TTLL9: variants seen among roughly 807,000 people sequenced by gnomAD.
TTLL9 encodes the protein probable tubulin polyglutamylase TTLL9.
TTLL9 carries 47 observed loss-of-function variants against 65.6 expected under a neutral mutation model. That is an observed-to-expected ratio of 0.72 (90% CI 0.57 to 0.91). TTLL9 has a LOEUF of 0.91. TTLL9 is among the 40% of genes least tolerant of loss of function. TTLL9 has a pLI of 0.00. For synonymous variants in TTLL9, 179 were observed against 204.8 expected, an observed-to-expected ratio of 0.87 and a Z score of 1.07; for missense variants, 537 against 568.8, an observed-to-expected ratio of 0.94 and a Z score of 0.57.
intron 6 of TTLL9, among the ~76,000 whole-genome samples, chr20:31,911,174 CAA>C (rs568691106): frequency 7.1e-6 from 1 of 141,334 alleles, no homozygotes; most frequent in Non-Finnish European, 1.5e-5. Flanking sequence ...GACTCCGTCT[CAA>C]AAAAAAAAGA....
At chr20:31,913,361 C>T (rs2063685523) in intron 6 of TTLL9, among the ~76,000 whole-genome samples, 1 of 152,056 alleles carries the variant, frequency 6.6e-6, no homozygotes, top group African/African-American at 2.4e-5. Context: ...GTTCCGGGAC[C>T]TTATTTGGAT....
At chr20:31,933,091 T>TA (rs2064048493) in intron 10 of TTLL9, among the ~76,000 whole-genome samples, 1 of 152,184 alleles carries the variant, frequency 6.6e-6, no homozygotes. Context: ...GGTGGTCACT[T>TA]AACTTCTCTG....
chr20:31,937,099 CAA>C (rs59705348), intron 12 of TTLL9, among the ~76,000 whole-genome samples: 27 of 93,454 alleles, frequency 2.9e-4, no homozygotes, highest in Non-Finnish European at 2.2e-4. Context: ...ACTCCCTCTC[CAA>C]AAAAAAAAAA....
At chr20:31,885,182 C>T (rs1049213548) in intron 2 of TTLL9, among the ~76,000 whole-genome samples, 4 of 151,702 alleles carry the variant, frequency 2.6e-5, no homozygotes, top group African/African-American at 4.8e-5. Flanking sequence ...CATGTTTTTT[C>T]GTAGAAATTG....
chr20:31,909,747 A>G lies in TTLL9; in HGVS notation c.329A>G (p.Lys110Arg), dbSNP rs777734852. Residue 110 changes from lysine to arginine, a missense_variant, in exon 6 of 15, where the codon AAG (lysine) becomes AGG (arginine). Physicochemically the swap from Lys to Arg is conservative, Grantham distance 26 (BLOSUM62 2). Transcript: ENST00000535842. ...CTTCCCGCCACCCAGCTGACCCGGA[A>G]GAACTACATGGTGAAGAACCTGAAG... Reference protein sequence around the residue: ...HFRNHYELTRKNYMVKNLKRF... With the variant: ...HFRNHYELTRRNYMVKNLKRF... 6.2e-7 allele frequency: 1 copy of G among 1,613,856 alleles called. No individual in the cohort carries two copies. The highest frequency in any genetic ancestry group is 1.1e-5 in the South Asian group (1 of 91,036).
At chr20:31,879,666 A>G (rs1338432518) in intron 2 of TTLL9, 3 of 649,996 alleles carry the variant, frequency 4.6e-6, no homozygotes, top group Non-Finnish European at 7.6e-6. Flanking sequence ...CTGGAAAAGA[A>G]AGGTTGAGGA....
Position 31,870,923 on chromosome 20 carries a change from C to CT in TTLL9, c.-30dup, listed in dbSNP as rs1323581837. 19 of 616,252 alleles carry CT rather than the reference C, an allele frequency of 3.1e-5. No individual in the cohort carries two copies. The highest frequency in any genetic ancestry group is 2.4e-4 in the Admixed American group (9 of 37,306). 38.2% of individuals were successfully genotyped at this position (616,252 alleles called of 1,614,324 possible). A position where few individuals can be genotyped will look rare whatever the true frequency, so the allele number is the denominator to read the frequency against. ...CTTTGATCGCCGAGGGCTCTCTGCT[C>CT]TTCAGAGTCTGCTTGGAACGGGATA... is the stretch of plus-strand genomic sequence containing the variant. On this transcript the variant is annotated 5_prime_UTR_variant, in exon 1 of 15. An upstream open reading frame in the 5' UTR loses its in-frame stop. Transcript: ENST00000535842. The surrounding 1 kb of genome is among the most constrained non-coding windows in gnomAD (Gnocchi z 6.6).
At chr20:31,879,847 G>C in intron 2 of TTLL9, 2 of 1,550,116 alleles carry the variant, frequency 1.3e-6, no homozygotes, top group Non-Finnish European at 1.7e-6. Context: ...GAGGCGCGCG[G>C]TGGCGGTTTG....
At chr20:31,885,385 T>C (rs6061015) in intron 2 of TTLL9, among the ~76,000 whole-genome samples, 59,346 of 151,990 alleles carry the variant, frequency 0.39, 12,970 homozygotes, top group African/African-American at 0.57. Context: ...GATCCACGTA[T>C]GCATGGTCAA....
Position 31,939,140 on chromosome 20 carries a change from A to T in TTLL9, c.1119-2A>T. ...AACCCTGTGGGCCTCCTTCCTGTCC[A>T]GGCTCACGGGAAGGGAGAAGCGAGT... On this transcript the variant is annotated splice_acceptor_variant, in intron 13 of 14. Coordinates refer to ENST00000535842, the MANE Select transcript of TTLL9 (RefSeq NM_001008409.5). LOFTEE classifies it high-confidence loss of function. The T allele has an allele frequency of 6.3e-7, 1 of 1,578,134 alleles. No homozygotes were observed. The highest frequency in any genetic ancestry group is 1.2e-5 in the South Asian group (1 of 84,832).
At chr20:31,908,891 C>T (rs192173253) in intron 5 of TTLL9, among the ~76,000 whole-genome samples, 189 bp downstream of exon 5, 53 of 152,212 alleles carry the variant, frequency 3.5e-4, no homozygotes, top group Admixed American at 6.5e-4. Context: ...GGCCTGAGGA[C>T]TGGAGGTCAC....
rs1445043358 is a variant in TTLL9, at chr20:31,939,300, G to A, written c.1243+34G>A. 4.3e-6 allele frequency: 7 copies of A among 1,611,538 alleles called. No homozygotes were observed. In the South Asian group the frequency reaches 7.7e-5, roughly 18 times the overall value. ...GGCCAGGTGGGGAGTGGGCACAAGG[G>A]ATGGGGTCATGGGAGGTACCAGGTA... On this transcript the variant is annotated intron_variant, in intron 14 of 14. Coordinates refer to ENST00000535842, the MANE Select transcript of TTLL9 (RefSeq NM_001008409.5).
chr20:31,929,262 C>A (rs1434307749), intron 10 of TTLL9, among the ~76,000 whole-genome samples: 1 of 152,184 alleles, frequency 6.6e-6, no homozygotes, highest in Non-Finnish European at 1.5e-5. Flanking sequence ...TTATTTTAAA[C>A]TTTATACATG....
Position 31,898,580 on chromosome 20 carries a change from C to G in TTLL9, c.206+15C>G, listed in dbSNP as rs2063422084. ...GAAGTGAAGGAGTAAGACCCTCCCCCCAGCCTTGTCCCTCCTTCCCTTTGT... is the reference window on the plus strand; with the variant it reads ...GAAGTGAAGGAGTAAGACCCTCCCCGCAGCCTTGTCCCTCCTTCCCTTTGT... On this transcript the variant is annotated intron_variant, in intron 4 of 14. Transcript: ENST00000535842. 4 of 1,609,680 alleles carry G rather than the reference C, an allele frequency of 2.5e-6. No homozygotes were observed. Among genetic ancestry groups the G allele is most frequent in the African/African-American group, 1.3e-5 (1 of 74,830 alleles).
intron 3 of TTLL9, 38 bp downstream of exon 3, chr20:31,887,277 C>A: frequency 2.5e-6 from 4 of 1,610,094 alleles, no homozygotes; most frequent in Non-Finnish European, 3.4e-6. Context: ...CACAGCGCAA[C>A]CAACTTCTCT....
At chr20:31,871,026 C>A in intron 1 of TTLL9, 77 bp downstream of exon 1, 1 of 1,166,206 alleles carries the variant, frequency 8.6e-7, no homozygotes, top group Non-Finnish European at 1.3e-6. Context: ...CTTTCCCATC[C>A]ATTCTCCCAC....
At chr20:31,931,752 G>A (rs1408633205) in intron 10 of TTLL9, among the ~76,000 whole-genome samples, 1 of 152,150 alleles carries the variant, frequency 6.6e-6, no homozygotes, top group Admixed American at 6.5e-5. Flanking sequence ...TTATTGTTGA[G>A]TTATAAGAAT....
chr20:31,908,592 G>A lies in TTLL9; in HGVS notation c.208G>A (p.Glu70Lys), dbSNP rs564856380. The change falls in exon 5 of 15, where the codon GAA (glutamate) becomes AAA (lysine). Residue 70 changes from glutamate to lysine, a missense_variant and splice_region_variant. Glu to Lys is a moderately conservative substitution (Grantham distance 56). This residue lies in a region of TTLL9 where 320 missense variants were observed against 311.0 expected (regional missense o/e 1.03). Transcript: ENST00000535842. The stretch of plus-strand genomic sequence containing the variant: ...TCCCCGCCCCCACCCCACCCCCAGC[G>A]AAGGGGAGTGGGATTTCTACTGGTG... ...HRPGWVEVKD[E>K]GEWDFYWCDV... The A allele has an allele frequency of 1.8e-5, 28 of 1,597,428 alleles. No homozygotes were observed. The highest frequency in any genetic ancestry group is 1.6e-4 in the East Asian group (7 of 44,746).
intron 13 of TTLL9, 99 bp downstream of exon 13, chr20:31,937,608 C>CT (rs1340929736): frequency 2.2e-6 from 2 of 908,768 alleles, no homozygotes; most frequent in Admixed American, 4.9e-5. Flanking sequence ...CTGAGTGGCC[C>CT]TCAGCGATGG....
Sources: gnomAD v4.1 joint callset for allele counts (sites outside exome capture counted in the v4.1 genomes callset) on GRCh38, gnomAD v4.1.1 for gene constraint, gnomAD v4.1.1 regional missense constraint, Gnocchi (gnomAD v3.1) non-coding constraint, MANE v1.5 for transcripts, NCBI Gene and HGNC (gene_info 2026-07-23, HGNC 2026-07-21) for gene names.